CHMP4B: variants seen among roughly 807,000 people sequenced by gnomAD.
The protein encoded by CHMP4B is SNF7 homolog associated with Alix 1.
A neutral mutation model predicts 25.1 loss-of-function variants in CHMP4B; 1 was observed. The ratio of observed to expected loss-of-function variants is 0.04; its 90% CI spans 0.01 to 0.19. The LOEUF (loss-of-function observed/expected upper bound fraction) is 0.19. Ranked by LOEUF, CHMP4B falls within the 10% of genes least tolerant of loss-of-function variation. CHMP4B has a pLI of 1.00. For missense variants in CHMP4B, 151 were observed against 289.7 expected (o/e 0.52, Z 3.48); for synonymous variants, 101 against 115.6 (o/e 0.87, Z 0.81).
intron 3 of CHMP4B, among the ~76,000 whole-genome samples, chr20:33,851,520 C>T (rs907129087): frequency 6.6e-6 from 1 of 151,764 alleles, no homozygotes; most frequent in Non-Finnish European, 1.5e-5. Flanking sequence ...CAATTTGGGA[C>T]CTTGAGTCTC....
intron 1 of CHMP4B, among the ~76,000 whole-genome samples, chr20:33,820,348 G>A (rs996910589): frequency 8.5e-5 from 13 of 152,156 alleles, no homozygotes; most frequent in African/African-American, 3.1e-4. Flanking sequence ...CTGATGTTGA[G>A]ATCCCAAATC....
rs754983268 is a variant in CHMP4B, at chr20:33,853,852, G to C, written c.*292G>C. On this transcript the variant is annotated 3_prime_UTR_variant, in exon 5 of 5. Coordinates refer to ENST00000217402, the MANE Select transcript of CHMP4B (RefSeq NM_176812.5). ...ATCCAACATTGAGCTTCTGGACTACGCTGACTCCACTGCTGAATCCTCAAT... is the reference window on the plus strand; with the variant it reads ...ATCCAACATTGAGCTTCTGGACTACCCTGACTCCACTGCTGAATCCTCAAT... The C allele has an allele frequency of 2.0e-6, 1 of 493,428 alleles. No individual in the cohort carries two copies. The highest frequency in any genetic ancestry group is 3.3e-5 in the Admixed American group (1 of 30,486). 30.6% of individuals were successfully genotyped at this position (493,428 alleles called of 1,614,324 possible). A position where few individuals can be genotyped will look rare whatever the true frequency, so the allele number is the denominator to read the frequency against.
At chr20:33,840,817 G>T (rs1328298119) in intron 1 of CHMP4B, among the ~76,000 whole-genome samples, 4 of 152,292 alleles carry the variant, frequency 2.6e-5, no homozygotes, top group Non-Finnish European at 5.9e-5. Flanking sequence ...CATGCCCTGT[G>T]CCAGGTGCTT....
Position 33,811,417 on chromosome 20 carries a change from A to C in CHMP4B, c.-52A>C. The C allele has an allele frequency of 7.0e-7, 1 of 1,427,774 alleles. No individual in the cohort carries two copies. The highest frequency in any genetic ancestry group is 9.2e-7 in the Non-Finnish European group (1 of 1,090,028). The allele number at this position is 1,427,774 out of a possible 1,614,324, so 88.4% of individuals were successfully genotyped here. A position where few individuals can be genotyped will look rare whatever the true frequency, so the allele number is the denominator to read the frequency against. On this transcript the variant is annotated 5_prime_UTR_variant, in exon 1 of 5. Transcript: ENST00000217402. ...GCCGGAGCCGACCCGAGCCGAGCCG[A>C]GCCGAGCCGAGCCGGAGCGGGCGGC...
At chr20:33,825,623 C>T (rs1021112737) in intron 1 of CHMP4B, among the ~76,000 whole-genome samples, 3 of 152,200 alleles carry the variant, frequency 2.0e-5, no homozygotes, top group Non-Finnish European at 4.4e-5. Flanking sequence ...GCTCTCTCAA[C>T]AGCTATACAC....
At chr20:33,820,633 A>T (rs1978912765) in intron 1 of CHMP4B, among the ~76,000 whole-genome samples, 1 of 152,104 alleles carries the variant, frequency 6.6e-6, no homozygotes, top group Non-Finnish European at 1.5e-5. Flanking sequence ...CTTAGGATTC[A>T]GTTTGTGACA....
At chr20:33,818,307 A>G (rs1978836182) in intron 1 of CHMP4B, among the ~76,000 whole-genome samples, 1 of 152,258 alleles carries the variant, frequency 6.6e-6, no homozygotes, top group South Asian at 2.1e-4. Context: ...TTTACAAATG[A>G]AGTGTTAGAG....
At chr20:33,850,412 CGTATATGTGT>C (rs1979814364) in intron 2 of CHMP4B, among the ~76,000 whole-genome samples, 2 of 152,088 alleles carry the variant, frequency 1.3e-5, no homozygotes, top group South Asian at 4.1e-4. Flanking sequence ...CAAATGTTGA[CGTATATGTGT>C]GTATGTTGGC....
intron 1 of CHMP4B, among the ~76,000 whole-genome samples, chr20:33,836,663 C>A (rs1000089208): frequency 6.6e-6 from 1 of 152,134 alleles, no homozygotes; most frequent in African/African-American, 2.4e-5. Flanking sequence ...TCTCTCCATG[C>A]AGCTCTCTCC....
At chr20:33,828,219 G>A (rs1979145641) in intron 1 of CHMP4B, among the ~76,000 whole-genome samples, 1 of 152,156 alleles carries the variant, frequency 6.6e-6, no homozygotes, top group Non-Finnish European at 1.5e-5. Context: ...TGTCCATACA[G>A]AGGGAAATCC....
intron 1 of CHMP4B, among the ~76,000 whole-genome samples, chr20:33,829,963 A>G (rs927901548): frequency 9.2e-5 from 14 of 152,250 alleles, no homozygotes; most frequent in Admixed American, 3.3e-4. Context: ...TCTGGGAAAT[A>G]TAAACGACTT....
At chr20:33,840,257 A>AAG (rs1979499736) in intron 1 of CHMP4B, among the ~76,000 whole-genome samples, 1 of 148,776 alleles carries the variant, frequency 6.7e-6, no homozygotes. Context: ...AAAAAAAAAA[A>AAG]GGGGGGGGAC....
intron 1 of CHMP4B, among the ~76,000 whole-genome samples, chr20:33,842,876 A>G (rs1568610403): frequency 6.6e-6 from 1 of 152,134 alleles, no homozygotes; most frequent in Non-Finnish European, 1.5e-5. Context: ...GTGTATAGTT[A>G]TGACTTCTTG....
intron 1 of CHMP4B, 110 bp from the exon 2 acceptor site, chr20:33,848,357 T>C (rs1568611629): frequency 9.6e-7 from 1 of 1,042,562 alleles, no homozygotes; most frequent in Non-Finnish European, 1.5e-6. Context: ...TCTGCTATAG[T>C]GGAAGCAACA....
chr20:33,822,872 G>A (rs556798520), intron 1 of CHMP4B, among the ~76,000 whole-genome samples: 1 of 152,152 alleles, frequency 6.6e-6, no homozygotes, highest in Admixed American at 6.5e-5. Context: ...TTGGCTCACT[G>A]CAAGCTCCAC....
intron 1 of CHMP4B, among the ~76,000 whole-genome samples, chr20:33,817,645 A>G (rs537994993): frequency 3.3e-4 from 51 of 152,346 alleles, no homozygotes; most frequent in African/African-American, 1.2e-3. Context: ...AGAGCCCACC[A>G]GGAGGAGGGG....
chr20:33,845,336 C>A (rs552115292), intron 1 of CHMP4B, among the ~76,000 whole-genome samples: 1 of 150,090 alleles, frequency 6.7e-6, no homozygotes, highest in South Asian at 2.1e-4. Flanking sequence ...TTTTTTCTTG[C>A]CCCCGAGATG....
intron 1 of CHMP4B, among the ~76,000 whole-genome samples, chr20:33,813,284 G>A (rs1019893235): frequency 6.6e-6 from 1 of 152,208 alleles, no homozygotes; most frequent in Non-Finnish European, 1.5e-5. Context: ...GAGTGGTATG[G>A]AATAAAGGGG....
chr20:33,834,585 T>C (rs955479621), intron 1 of CHMP4B, among the ~76,000 whole-genome samples: 1 of 152,236 alleles, frequency 6.6e-6, no homozygotes, highest in Non-Finnish European at 1.5e-5. Flanking sequence ...GAGATTGTTC[T>C]TTTCTAGTGT....
Sources: allele counts gnomAD v4.1 joint callset (sites outside exome capture counted in the v4.1 genomes callset), GRCh38; gene constraint gnomAD v4.1.1; transcripts MANE v1.5; gene names NCBI Gene and HGNC (gene_info 2026-07-23, HGNC 2026-07-21).